The following RFWD3 variants were observed in gnomAD, a reference collection of about 807,000 sequenced individuals.
RFWD3 encodes ring finger and WD repeat domain 3.
Under a neutral mutation model 87.7 loss-of-function variants are expected in RFWD3, and 65 were observed. That is an observed-to-expected ratio of 0.74 (90% confidence interval 0.61 to 0.91). RFWD3 has a LOEUF of 0.91. RFWD3 is among the 40% of genes least tolerant of loss of function. The pLI is 0.00. For missense variants in RFWD3, 1,078 were observed against 938.5 expected (o/e 1.15, Z -1.94); for synonymous variants, 433 against 352.8 (o/e 1.23, Z -2.55).
intron 2 of RFWD3, 150 bp from the exon 3 acceptor site, chr16:74,652,272 A>C: frequency 1.5e-6 from 1 of 656,710 alleles, no homozygotes; most frequent in South Asian, 2.0e-5. Context: ...ATAGCAGATA[A>C]GGGGGGGAGA....
chr16:74,650,520 C>A (rs1372637922), intron 3 of RFWD3, among the ~76,000 whole-genome samples: 1 of 152,002 alleles, frequency 6.6e-6, no homozygotes, highest in Non-Finnish European at 1.5e-5. Context: ...GGTGGTATCA[C>A]CCTGGTCCCT....
At chr16:74,664,365 C>A (rs7199068) in intron 1 of RFWD3, 8 of 152,180 alleles carry the variant, frequency 5.3e-5, no homozygotes, top group African/African-American at 1.9e-4. Context: ...AGCAACTCAG[C>A]CTTCAGGAAG....
chr16:74,664,918 T>C lies in RFWD3; in HGVS notation c.-3+1868A>G, dbSNP rs1408022660. On this transcript the variant is annotated intron_variant, in intron 1 of 12. Coordinates refer to ENST00000361070, the MANE Select transcript of RFWD3 (RefSeq NM_018124.4). The stretch of plus-strand genomic sequence containing the variant: ...AACGGTGCAGTTCTGGAGCTGAAGC[T>C]TCCTAACCACTGTAGGCCAGTCGGA... 2.0e-5 allele frequency among the ~76,000 whole-genome samples: 3 copies of C among 152,288 alleles called. No individual in the cohort carries two copies. In the East Asian group the frequency reaches 5.8e-4, roughly 29 times the overall value.
At chr16:74,631,870 T>A (rs1597414501) in intron 9 of RFWD3, among the ~76,000 whole-genome samples, 1 of 152,102 alleles carries the variant, frequency 6.6e-6, no homozygotes, top group East Asian at 1.9e-4. Context: ...ATTGCCTGCC[T>A]CGGCCTCACA....
intron 7 of RFWD3, among the ~76,000 whole-genome samples, chr16:74,637,214 C>A (rs1270638067): frequency 6.6e-6 from 1 of 150,852 alleles, no homozygotes; most frequent in Non-Finnish European, 1.5e-5. Flanking sequence ...GTAGTGCGAT[C>A]ACAGCTCATT....
intron 7 of RFWD3, among the ~76,000 whole-genome samples, chr16:74,636,927 G>C (rs1429574304): frequency 4.6e-5 from 7 of 151,744 alleles, no homozygotes. Context: ...TGGCCGGGCT[G>C]GTCTTGAACT....
intron 12 of RFWD3, among the ~76,000 whole-genome samples, chr16:74,625,406 T>C (rs751950900): frequency 1.5e-4 from 23 of 150,686 alleles, no homozygotes; most frequent in Non-Finnish European, 2.5e-4. Flanking sequence ...CCCAGCTACT[T>C]GGGAAGCTGA....
chr16:74,628,630 A>C lies in RFWD3; in HGVS notation c.1791T>G (p.Ala597=), dbSNP rs1359998441. 14 of 1,614,224 alleles carry C rather than the reference A, an allele frequency of 8.7e-6. No individual in the cohort carries two copies. Among genetic ancestry groups the C allele is most frequent in the African/African-American group, 1.3e-5 (1 of 75,060 alleles). ...PLVSLSYMPR[A]ASAAFPYGGV... is the part of the protein sequence containing the mutation. The stretch of plus-strand genomic sequence containing the variant: ...CACCATATGGAAATGCAGCTGAGGC[A>C]GCTCTGGGCATGTATGACAGGGAGA... Residue 597 remains alanine, a synonymous_variant, in exon 11 of 13, where the codon GCT becomes GCG. Coordinates refer to ENST00000361070, the MANE Select transcript of RFWD3 (RefSeq NM_018124.4).
chr16:74,661,192 C>T lies in RFWD3; in HGVS notation c.258G>A (p.Leu86=). Residue 86 remains leucine (L), a synonymous_variant, in exon 2 of 13, where the codon TTG becomes TTA. Transcript: ENST00000361070. The part of the protein sequence containing the change: ...LSVDLTEVEV[L]GEDTVENINP... ...TGATGTTCTCCACAGTGTCTTCTCC[C>T]AAGACCTCCACTTCTGTCAGGTCAA... The T allele has an allele frequency of 6.2e-7, 1 of 1,614,196 alleles. No individual in the cohort carries two copies.
At chr16:74,637,265 A>G (rs1959229350) in intron 7 of RFWD3, among the ~76,000 whole-genome samples, 1 of 152,076 alleles carries the variant, frequency 6.6e-6, no homozygotes, top group African/African-American at 2.4e-5. Context: ...TTTTACTAGT[A>G]GATTTAGGAA....
At chr16:74,646,555 A>T (rs1011244558) in intron 4 of RFWD3, among the ~76,000 whole-genome samples, 1 of 152,152 alleles carries the variant, frequency 6.6e-6, no homozygotes, top group African/African-American at 2.4e-5. Flanking sequence ...TGGGAGGCCA[A>T]GGCAGGCGGA....
intron 11 of RFWD3, among the ~76,000 whole-genome samples, chr16:74,626,968 G>A (rs1409596948): frequency 6.6e-6 from 1 of 152,136 alleles, no homozygotes; most frequent in African/African-American, 2.4e-5. Context: ...TAAAGTGAAA[G>A]CATGCTATTA....
rs533579021 is a variant in RFWD3 at position 74,627,385 on chromosome 16, C to T, written c.1970-831G>A. The stretch of plus-strand genomic sequence containing the variant: ...CCCTGAGCAGAGGTTTGAAATATAG[C>T]CCACTTGTCCCTCCCCTCCACCCCT... On this transcript the variant is annotated intron_variant, in intron 11 of 12. Transcript: ENST00000361070. Among the ~76,000 whole-genome samples, 50 of 152,272 alleles carry T rather than the reference C, an allele frequency of 3.3e-4. 2 individuals carry two copies. In the South Asian group the frequency reaches 4.4e-3, roughly 13 times the overall value.
At position 74,661,205 on chromosome 16, in the gene RFWD3, T is replaced by C; in HGVS notation, c.245A>G (p.Glu82Gly). The C allele has an allele frequency of 6.2e-7, 1 of 1,614,252 alleles. No individual in the cohort carries two copies. ...PAPQLSVDLT[E>G]VEVLGEDTVE... is the part of the protein sequence containing the mutation. ...AGTGTCTTCTCCCAAGACCTCCACT[T>C]CTGTCAGGTCAACAGACAGTTGCGG... Residue 82 changes from glutamate to glycine, a missense_variant, in exon 2 of 13, where the codon GAA becomes GGA. Coordinates refer to ENST00000361070, the MANE Select transcript of RFWD3 (RefSeq NM_018124.4).
chr16:74,664,879 A>C (rs1336871157), intron 1 of RFWD3: 1 of 152,268 alleles, frequency 6.6e-6, no homozygotes, highest in Non-Finnish European at 1.5e-5. Flanking sequence ...TTCTCGTCGC[A>C]CAAAGTTCTA....
chr16:74,628,979 G>A (rs1597409607), intron 10 of RFWD3, among the ~76,000 whole-genome samples: 1 of 150,294 alleles, frequency 6.7e-6, no homozygotes, highest in Non-Finnish European at 1.5e-5. Flanking sequence ...TCTGGAAATG[G>A]GTTTAGCCAC....
chr16:74,662,213 T>C (rs1961502795), intron 1 of RFWD3, among the ~76,000 whole-genome samples: 1 of 152,184 alleles, frequency 6.6e-6, no homozygotes, highest in South Asian at 2.1e-4. Flanking sequence ...ATGCCTGGCC[T>C]TACCTCCTCA....
Position 74,628,480 on chromosome 16 carries a change from G to C in RFWD3, c.1941C>G (p.Ser647=). 6.2e-7 allele frequency: 1 copy of C among 1,614,160 alleles called. No individual in the cohort carries two copies. The highest frequency in any genetic ancestry group is 8.5e-7 in the Non-Finnish European group (1 of 1,180,032). ...GCCTGTAGGTCACAAGACAGTGCCG[G>C]GAGCTGTTCTCTGTCTGAAAGTCTA... ...GCIDFQTENS[S]RHCLVTYRPD... Residue 647 remains serine, a synonymous_variant, in exon 11 of 13, where the codon TCC becomes TCG. Coordinates refer to ENST00000361070, the MANE Select transcript of RFWD3 (RefSeq NM_018124.4).
chr16:74,653,104 C>T (rs1189071339), intron 2 of RFWD3, among the ~76,000 whole-genome samples: 1 of 152,108 alleles, frequency 6.6e-6, no homozygotes, highest in Admixed American at 6.5e-5. Context: ...TTTGGGAGGC[C>T]AAGGTGGGTA....
Sources: gnomAD v4.1 joint callset for allele counts (sites outside exome capture counted in the v4.1 genomes callset) on GRCh38, gnomAD v4.1.1 for gene constraint, MANE v1.5 for transcripts, NCBI Gene and HGNC (gene_info 2026-07-23, HGNC 2026-07-21) for gene names.